Variants in TMEM181 observed in about 807,000 individuals in gnomAD.
The protein encoded by TMEM181 is G protein-coupled receptor 178.
A neutral mutation model predicts 71.9 loss-of-function variants in TMEM181; 39 were observed. That is an observed-to-expected ratio of 0.54 (90% CI 0.42 to 0.71). The LOEUF (loss-of-function observed/expected upper bound fraction) is 0.71. TMEM181 is among the 30% of genes least tolerant of loss of function. The pLI is 0.00. For missense variants in TMEM181, 595 were observed against 583.0 expected, an observed-to-expected ratio of 1.02 and a Z score of -0.21; for synonymous variants, 245 against 228.8, an observed-to-expected ratio of 1.07 and a Z score of -0.64.
At chr6:158,536,704 G>C (rs772494652) in exon 1 of TMEM181, 2 of 1,543,708 alleles carry the variant, frequency 1.3e-6, no homozygotes, top group South Asian at 2.3e-5. Flanking sequence ...AGGGTGGAGC[G>C]GCGGGACCGG....
intron 10 of TMEM181, chr6:158,610,350 A>G (rs1474130452): frequency 2.4e-5 from 7 of 288,102 alleles, no homozygotes; most frequent in African/African-American, 1.3e-4. Flanking sequence ...CCCGTAGGCA[A>G]TTTGTCAGGG....
At chr6:158,624,996 G>GT in intron 11 of TMEM181, 108 bp from the exon 12 acceptor site, 1 of 851,374 alleles carries the variant, frequency 1.2e-6, no homozygotes, top group Non-Finnish European at 2.0e-6. Context: ...GACCTTCAGG[G>GT]TTGAAGTCCC....
chr6:158,594,774 G>A (rs1271996346), intron 6 of TMEM181, among the ~76,000 whole-genome samples: 3 of 152,116 alleles, frequency 2.0e-5, no homozygotes, highest in Non-Finnish European at 4.4e-5. Context: ...TGCAACCTCT[G>A]CCTCCTGGGT....
intron 1 of TMEM181, among the ~76,000 whole-genome samples, chr6:158,562,439 G>T (rs986048179): frequency 8.3e-6 from 1 of 120,756 alleles, no homozygotes; most frequent in Admixed American, 8.3e-5. Context: ...TTTAAATAAG[G>T]CTGTTTTTGT....
intron 1 of TMEM181, among the ~76,000 whole-genome samples, chr6:158,571,273 T>A (rs931564597): frequency 3.3e-5 from 5 of 151,646 alleles, no homozygotes; most frequent in East Asian, 1.9e-4. Context: ...ATTTTTTGTG[T>A]TTTTTAGTAA....
chr6:158,598,878 G>T (rs1784523227), intron 6 of TMEM181, among the ~76,000 whole-genome samples: 1 of 151,934 alleles, frequency 6.6e-6, no homozygotes, highest in African/African-American at 2.4e-5. Flanking sequence ...TTTCACTGTG[G>T]TCTTGATCTC....
chr6:158,629,670 G>A (rs1583062716), intron 14 of TMEM181, 60 bp from the exon 15 acceptor site: 1 of 1,402,838 alleles, frequency 7.1e-7, no homozygotes, highest in Non-Finnish European at 9.8e-7. Context: ...TGGTCGGGCT[G>A]TAGGCAGAGC....
intron 5 of TMEM181, among the ~76,000 whole-genome samples, chr6:158,586,091 G>A (rs1783756185): frequency 6.6e-6 from 1 of 152,202 alleles, no homozygotes; most frequent in Admixed American, 6.5e-5. Context: ...GGCCTCTTGG[G>A]CGTCAGGGGC....
At chr6:158,619,140 T>G (rs887685421) in intron 10 of TMEM181, among the ~76,000 whole-genome samples, 1 of 152,250 alleles carries the variant, frequency 6.6e-6, no homozygotes, top group Non-Finnish European at 1.5e-5. Flanking sequence ...CAATCAAACA[T>G]AGATTTGGTC....
chr6:158,558,241 T>C (rs2128283487), upstream of TMEM181, among the ~76,000 whole-genome samples: 1 of 152,316 alleles, frequency 6.6e-6, no homozygotes, highest in East Asian at 1.9e-4. Context: ...CATCATCTCA[T>C]GCTGCTCTGG....
chr6:158,587,377 T>C (rs1783828637), intron 5 of TMEM181, among the ~76,000 whole-genome samples: 1 of 152,214 alleles, frequency 6.6e-6, no homozygotes, highest in Admixed American at 6.5e-5. Context: ...TGTTACCCCT[T>C]GGGAATATCT....
chr6:158,563,738 G>T (rs1242153201), intron 1 of TMEM181, among the ~76,000 whole-genome samples: 1 of 152,240 alleles, frequency 6.6e-6, no homozygotes, highest in African/African-American at 2.4e-5. Context: ...CAGTCCTTGG[G>T]TAGCTTAGAC....
chr6:158,597,181 C>T (rs141828548), intron 6 of TMEM181, among the ~76,000 whole-genome samples: 2 of 152,240 alleles, frequency 1.3e-5, no homozygotes, highest in East Asian at 3.9e-4. Flanking sequence ...ATTTCTCTCT[C>T]CTTTTGTTCT....
intron 1 of TMEM181, among the ~76,000 whole-genome samples, chr6:158,544,418 G>A (rs1440884053): frequency 3.9e-5 from 6 of 152,134 alleles, no homozygotes; most frequent in Non-Finnish European, 5.9e-5. Context: ...TCCAGGTTAA[G>A]CCAGGCTGGG....
At chr6:158,598,117 T>G (rs1014489989) in intron 6 of TMEM181, among the ~76,000 whole-genome samples, 1 of 152,338 alleles carries the variant, frequency 6.6e-6, no homozygotes. Flanking sequence ...AAAGTTGGTT[T>G]CATCAGCCAT....
chr6:158,616,353 A>G (rs1409880594), intron 10 of TMEM181, among the ~76,000 whole-genome samples: 4 of 152,178 alleles, frequency 2.6e-5, no homozygotes, highest in Non-Finnish European at 5.9e-5. Context: ...AGACTTTCCT[A>G]AAGTTGCTTA....
At chr6:158,625,916 C>T (rs144067688) in intron 13 of TMEM181, among the ~76,000 whole-genome samples, 162 bp downstream of exon 13, 2 of 152,318 alleles carry the variant, frequency 1.3e-5, no homozygotes, top group East Asian at 1.9e-4. Flanking sequence ...CCGAGAGCAG[C>T]CGTCAGCCTG....
intron 4 of TMEM181, among the ~76,000 whole-genome samples, chr6:158,584,437 G>C (rs1380559380): frequency 3.3e-5 from 5 of 152,206 alleles, no homozygotes; most frequent in African/African-American, 1.2e-4. Flanking sequence ...AGTGCTCCAG[G>C]CATCTAGTGG....
intron 6 of TMEM181, 126 bp from the exon 7 acceptor site, chr6:158,605,140 GT>G: frequency 8.0e-6 from 4 of 499,068 alleles, no homozygotes; most frequent in Non-Finnish European, 3.5e-6. Flanking sequence ...AAGTGTGTGT[GT>G]GTGTGTGTGT....
Sources: allele counts gnomAD v4.1 joint callset (sites outside exome capture counted in the v4.1 genomes callset), GRCh38; gene constraint gnomAD v4.1.1; transcripts MANE v1.5; gene names NCBI Gene and HGNC (gene_info 2026-07-23, HGNC 2026-07-21).